KRTAP19-4: variants seen among roughly 807,000 people sequenced by gnomAD.
KRTAP19-4 encodes keratin associated protein 19-4.
For missense variants in KRTAP19-4, 102 were observed against 101.1 expected (o/e 1.01, Z -0.04); for synonymous variants, 42 against 41.7 (o/e 1.01, Z -0.03).
chr21:30,497,068 AG>A, the KRTAP19-4 span: 1 of 1,613,396 alleles, frequency 6.2e-7, no homozygotes, highest in Non-Finnish European at 8.5e-7. Flanking sequence ...AAGCCTCCAC[AG>A]CCATAGCCCA....
In KRTAP19-4 at chr21:30,496,881, C is replaced by T. The variant is rs1386562455; in HGVS notation, c.230G>A (p.Arg77Lys). The T allele has an allele frequency of 1.2e-6, 2 of 1,609,482 alleles. No individual in the cohort carries two copies. Among genetic ancestry groups the T allele is most frequent in the East Asian group, 4.5e-5 (2 of 44,732 alleles). Residue 77 changes from arginine (R) to lysine (K), a missense_variant, in exon 1 of 1, where the codon AGA (arginine) becomes AAA (lysine). Coordinates refer to ENST00000334058, the MANE Select transcript of KRTAP19-4 (RefSeq NM_181610.3). Reference protein sequence around the residue: ...PEDTISEVIRRSFNLTKY With the variant: ...PEDTISEVIRKSFNLTKY ...TCAATATTTGGTTAAATTGAATGATCTTCTTATGACCTCTGATATCGTGTC... is the reference window on the plus strand; with the variant it reads ...TCAATATTTGGTTAAATTGAATGATTTTCTTATGACCTCTGATATCGTGTC...
Position 30,497,028 on chromosome 21 carries a change from C to T in KRTAP19-4, c.83G>A (p.Gly28Glu). Residue 28 changes from glycine to glutamate, a missense_variant, in exon 1 of 1, where the codon GGA becomes GAA. By Grantham distance (98) the Gly-to-Glu change is moderately conservative. Transcript: ENST00000334058. ...ACCCAGTCTGCGGAAGCTGCCACAT[C>T]CACAGCCATAGCCATAGCCTAGGCC... ...FGGLGYGYGCGCGSFRRLGYG... is the reference protein window; with the variant it reads ...FGGLGYGYGCECGSFRRLGYG... 1.2e-6 allele frequency: 2 copies of T among 1,613,348 alleles called. No homozygotes were observed. The highest frequency in any genetic ancestry group is 1.7e-6 in the Non-Finnish European group (2 of 1,179,912).
At position 30,497,046 on chromosome 21, in the gene KRTAP19-4, C is replaced by T. The variant is rs763118453; in HGVS notation, c.65G>A (p.Gly22Asp). Residue 22 changes from glycine to aspartate, a missense_variant, in exon 1 of 1, where the codon GGC becomes GAC. Physicochemically the swap from Gly to Asp is moderately conservative, Grantham distance 94 (BLOSUM62 -1). Coordinates refer to ENST00000334058, the MANE Select transcript of KRTAP19-4 (RefSeq NM_181610.3). ...GYGCGGFGGL[G>D]YGYGCGCGSF... ...GCCACATCCACAGCCATAGCCATAG[C>T]CTAGGCCACCAAAGCCTCCACAGCC... is the stretch of plus-strand genomic sequence containing the variant. 1.2e-6 allele frequency: 2 copies of T among 1,613,236 alleles called. No individual in the cohort carries two copies. The highest frequency in any genetic ancestry group is 1.1e-5 in the South Asian group (1 of 91,008).
chr21:30,496,829 G>C lies in KRTAP19-4; in HGVS notation c.*27C>G. ...TTAGATGCTATTTTTTTTCATCTTG[G>C]ATTGATCTAGTGTGCCCTTGTTTGA... On this transcript the variant is annotated 3_prime_UTR_variant, in exon 1 of 1. Coordinates refer to ENST00000334058, the MANE Select transcript of KRTAP19-4 (RefSeq NM_181610.3). The C allele has an allele frequency of 6.3e-7, 1 of 1,591,460 alleles. No homozygotes were observed. The highest frequency in any genetic ancestry group is 1.1e-5 in the South Asian group (1 of 89,602).
Position 30,496,924 on chromosome 21 carries a change from G to A in KRTAP19-4, c.187C>T (p.Leu63=). 1 of 1,611,900 alleles carries A rather than the reference G, an allele frequency of 6.2e-7. No individual in the cohort carries two copies. Among genetic ancestry groups the A allele is most frequent in the Non-Finnish European group, 8.5e-7 (1 of 1,179,676 alleles). Reference sequence around the variant, plus strand: ...ATCGTGTCCTCAGGGTAGGATTTCAGTAGAATTGAGAATCCATATCCTCCA... The same window carrying A: ...ATCGTGTCCTCAGGGTAGGATTTCAATAGAATTGAGAATCCATATCCTCCA... ...CYGGYGFSIL[L]KSYPEDTISE... The change falls in exon 1 of 1, where the codon CTG becomes TTG. Residue 63 remains leucine, a synonymous_variant. Transcript: ENST00000334058.
In KRTAP19-4 at chr21:30,496,977, C is replaced by G; in HGVS notation, c.134G>C (p.Gly45Ala). 2 of 1,613,040 alleles carry G rather than the reference C, an allele frequency of 1.2e-6. No individual in the cohort carries two copies. The highest frequency in any genetic ancestry group is 1.6e-4 in the Middle Eastern group (1 of 6,062). The part of the protein sequence containing the change: ...LGYGCGFGGN[G>A]YGYCRPSCYG... ...GCATGATGGGCGGCAGTAGCCATAT[C>G]CGTTGCCTCCAAAGCCACAGCCATA... is the stretch of plus-strand genomic sequence containing the variant. The change falls in exon 1 of 1, where the codon GGA (glycine) becomes GCA (alanine). Residue 45 changes from glycine to alanine, a missense_variant. Physicochemically the swap from Gly to Ala is moderately conservative, Grantham distance 60 (BLOSUM62 0). Transcript: ENST00000334058.
rs770730754 is a variant in KRTAP19-4, at chr21:30,497,054, A to T, written c.57T>A (p.Gly19=). The T allele has an allele frequency of 9.3e-6, 15 of 1,613,208 alleles. No homozygotes were observed. The highest frequency in any genetic ancestry group is 8.8e-5 in the South Asian group (8 of 91,014). The part of the protein sequence containing the change: ...RGLGYGCGGF[G]GLGYGYGCGC... ...CACAGCCATAGCCATAGCCTAGGCCACCAAAGCCTCCACAGCCATAGCCCA... is the reference window on the plus strand; with the variant it reads ...CACAGCCATAGCCATAGCCTAGGCCTCCAAAGCCTCCACAGCCATAGCCCA... Residue 19 remains glycine (G), a synonymous_variant, in exon 1 of 1, where the codon GGT becomes GGA. Coordinates refer to ENST00000334058, the MANE Select transcript of KRTAP19-4 (RefSeq NM_181610.3).
chr21:30,496,826 T>C lies in KRTAP19-4; in HGVS notation c.*30A>G, dbSNP rs1986109275. 3.1e-6 allele frequency: 5 copies of C among 1,593,766 alleles called. No homozygotes were observed. Among genetic ancestry groups the C allele is most frequent in the Non-Finnish European group, 4.3e-6 (5 of 1,167,578 alleles). ...ATCTTAGATGCTATTTTTTTTCATC[T>C]TGGATTGATCTAGTGTGCCCTTGTT... On this transcript the variant is annotated 3_prime_UTR_variant, in exon 1 of 1. Transcript: ENST00000334058.
At position 30,496,986 on chromosome 21, in the gene KRTAP19-4, C is replaced by A. The variant is rs1375461669; in HGVS notation, c.125G>T (p.Gly42Val). The change falls in exon 1 of 1, where the codon GGA becomes GTA. Residue 42 changes from glycine (G) to valine (V), a missense_variant. Transcript: ENST00000334058. ...FRRLGYGCGF[G>V]GNGYGYCRPS... ...GCGGCAGTAGCCATATCCGTTGCCT[C>A]CAAAGCCACAGCCATAACCCAGTCT... is the stretch of plus-strand genomic sequence containing the variant. 21 of 1,612,950 alleles carry A rather than the reference C, an allele frequency of 1.3e-5. No individual in the cohort carries two copies. In the Admixed American group the frequency reaches 1.7e-4, roughly 13 times the overall value.
In KRTAP19-4 at chr21:30,496,952, G is replaced by A. The variant is rs1568867973; in HGVS notation, c.159C>T (p.Cys53=). The A allele has an allele frequency of 1.9e-6, 3 of 1,612,350 alleles. No homozygotes were observed. Among genetic ancestry groups the A allele is most frequent in the Non-Finnish European group, 2.5e-6 (3 of 1,179,778 alleles). Residue 53 remains cysteine, a synonymous_variant, in exon 1 of 1, where the codon TGC becomes TGT. Transcript: ENST00000334058. ...GAATTGAGAATCCATATCCTCCATA[G>A]CATGATGGGCGGCAGTAGCCATATC... ...GNGYGYCRPS[C]YGGYGFSILL... is the part of the protein sequence containing the mutation.
rs1387536915 is a variant in KRTAP19-4, at chr21:30,496,901, C to T, written c.210G>A (p.Thr70=). 3.7e-6 allele frequency: 6 copies of T among 1,610,584 alleles called. No homozygotes were observed. In the Admixed American group the frequency reaches 5.0e-5, roughly 14 times the overall value. The change falls in exon 1 of 1, where the codon ACG becomes ACA. Residue 70 remains threonine, a synonymous_variant. Coordinates refer to ENST00000334058, the MANE Select transcript of KRTAP19-4 (RefSeq NM_181610.3). ...SILLKSYPED[T]ISEVIRRSFN... ...ATGATCTTCTTATGACCTCTGATATCGTGTCCTCAGGGTAGGATTTCAGTA... is the reference window on the plus strand; with the variant it reads ...ATGATCTTCTTATGACCTCTGATATTGTGTCCTCAGGGTAGGATTTCAGTA...
Position 30,497,076 on chromosome 21 carries a change from C to A in KRTAP19-4, c.35G>T (p.Gly12Val), listed in dbSNP as rs1395919653. 1 of 1,613,300 alleles carries A rather than the reference C, an allele frequency of 6.2e-7. No homozygotes were observed. Among genetic ancestry groups the A allele is most frequent in the Non-Finnish European group, 8.5e-7 (1 of 1,179,884 alleles). The change falls in exon 1 of 1, where the codon GGC (glycine) becomes GTC (valine). Residue 12 changes from glycine to valine, a missense_variant. Transcript: ENST00000334058. ...SYYGSYYRGL[G>V]YGCGGFGGLG... Reference sequence around the variant, plus strand: ...GCCACCAAAGCCTCCACAGCCATAGCCCAGGCCTCTGTAATAGCTGCCATA... The same window carrying A: ...GCCACCAAAGCCTCCACAGCCATAGACCAGGCCTCTGTAATAGCTGCCATA...
Position 30,497,147 on chromosome 21 carries a change from C to T in KRTAP19-4, c.-37G>A. 1 of 1,611,200 alleles carries T rather than the reference C, an allele frequency of 6.2e-7. No individual in the cohort carries two copies. The highest frequency in any genetic ancestry group is 8.5e-7 in the Non-Finnish European group (1 of 1,178,238). On this transcript the variant is annotated 5_prime_UTR_variant, in exon 1 of 1. Transcript: ENST00000334058. ...TGGTGAGTTGTTTGGCTGCTCAAGG[C>T]AAGATCCTAAGTGTGAATGGCAGCA...
rs1188699852 is a variant in KRTAP19-4 at position 30,497,151 on chromosome 21, A to T, written c.-41T>A. The T allele has an allele frequency of 6.2e-7, 1 of 1,609,326 alleles. No individual in the cohort carries two copies. Among genetic ancestry groups the T allele is most frequent in the South Asian group, 1.1e-5 (1 of 90,900 alleles). Reference sequence around the variant, plus strand: ...GAGTTGTTTGGCTGCTCAAGGCAAGATCCTAAGTGTGAATGGCAGCACGTG... The same window carrying T: ...GAGTTGTTTGGCTGCTCAAGGCAAGTTCCTAAGTGTGAATGGCAGCACGTG... On this transcript the variant is annotated 5_prime_UTR_variant, in exon 1 of 1. Coordinates refer to ENST00000334058, the MANE Select transcript of KRTAP19-4 (RefSeq NM_181610.3).
In KRTAP19-4 at chr21:30,496,913, G is replaced by A; in HGVS notation, c.198C>T (p.Tyr66=). The A allele has an allele frequency of 6.2e-7, 1 of 1,611,366 alleles. No individual in the cohort carries two copies. Among genetic ancestry groups the A allele is most frequent in the Non-Finnish European group, 8.5e-7 (1 of 1,179,590 alleles). ...GYGFSILLKS[Y]PEDTISEVIR... ...TGACCTCTGATATCGTGTCCTCAGG[G>A]TAGGATTTCAGTAGAATTGAGAATC... Residue 66 remains tyrosine, a synonymous_variant, in exon 1 of 1, where the codon TAC becomes TAT. Transcript: ENST00000334058.
In KRTAP19-4 at chr21:30,497,114, G is replaced by A. The variant is rs200093967; in HGVS notation, c.-4C>T. 2.5e-5 allele frequency: 41 copies of A among 1,613,384 alleles called. 1 individual carries two copies. The Admixed American group carries it at 3.0e-4, about 12-fold the overall frequency. ...AATAGCTGCCATAGTAGCTCATGGC[G>A]TCAGGAGTGGTGAGTTGTTTGGCTG... On this transcript the variant is annotated 5_prime_UTR_variant, in exon 1 of 1. The change creates a new upstream start codon in the 5' untranslated region. Coordinates refer to ENST00000334058, the MANE Select transcript of KRTAP19-4 (RefSeq NM_181610.3).
chr21:30,497,096 G>T lies in KRTAP19-4; in HGVS notation c.15C>A (p.Gly5=), dbSNP rs1171921456. The part of the protein sequence containing the change: MSYY[G]SYYRGLGYGC... Reference sequence around the variant, plus strand: ...CATAGCCCAGGCCTCTGTAATAGCTGCCATAGTAGCTCATGGCGTCAGGAG... The same window carrying T: ...CATAGCCCAGGCCTCTGTAATAGCTTCCATAGTAGCTCATGGCGTCAGGAG... The change falls in exon 1 of 1, where the codon GGC becomes GGA. Residue 5 remains glycine (G), a synonymous_variant. Transcript: ENST00000334058. 4 of 1,613,586 alleles carry T rather than the reference G, an allele frequency of 2.5e-6. No homozygotes were observed. Among genetic ancestry groups the T allele is most frequent in the Middle Eastern group, 1.6e-4 (1 of 6,062 alleles).
At position 30,497,011 on chromosome 21, in the gene KRTAP19-4, T is replaced by G. The variant is rs755580275; in HGVS notation, c.100A>C (p.Arg34=). The G allele has an allele frequency of 1.2e-6, 2 of 1,613,218 alleles. No individual in the cohort carries two copies. Among genetic ancestry groups the G allele is most frequent in the Non-Finnish European group, 8.5e-7 (1 of 1,179,866 alleles). The change falls in exon 1 of 1, where the codon AGA becomes CGA. Residue 34 remains arginine, a synonymous_variant. Transcript: ENST00000334058. ...CCAAAGCCACAGCCATAACCCAGTC[T>G]GCGGAAGCTGCCACATCCACAGCCA... ...GYGCGCGSFR[R]LGYGCGFGGN... is the part of the protein sequence containing the mutation.
Position 30,497,061 on chromosome 21 carries a change from C to T in KRTAP19-4, c.50G>A (p.Gly17Asp). ...YYRGLGYGCG[G>D]FGGLGYGYGC... ...ATAGCCATAGCCTAGGCCACCAAAG[C>T]CTCCACAGCCATAGCCCAGGCCTCT... The change falls in exon 1 of 1, where the codon GGC becomes GAC. Residue 17 changes from glycine (G) to aspartate (D), a missense_variant. Physicochemically the swap from Gly to Asp is moderately conservative, Grantham distance 94 (BLOSUM62 -1). Transcript: ENST00000334058. 18 of 1,613,218 alleles carry T rather than the reference C, an allele frequency of 1.1e-5. No homozygotes were observed. The highest frequency in any genetic ancestry group is 1.5e-5 in the Non-Finnish European group (18 of 1,179,834).
Sources: gnomAD v4.1 joint callset for allele counts on GRCh38, gnomAD v4.1.1 for gene constraint, MANE v1.5 for transcripts, NCBI Gene and HGNC (gene_info 2026-07-23, HGNC 2026-07-21) for gene names.